The following GUCY1A2 variants were observed in gnomAD, a reference collection of about 807,000 sequenced individuals.
GUCY1A2 encodes guanylate cyclase soluble subunit alpha-2.
GUCY1A2 carries 27 observed loss-of-function variants against 63.5 expected under a neutral mutation model. That is an observed-to-expected ratio of 0.43 (90% CI 0.31 to 0.59). GUCY1A2 has a LOEUF of 0.59. Ranked by LOEUF, GUCY1A2 falls within the 20% of genes least tolerant of loss-of-function variation. GUCY1A2 has a pLI of 0.11. For missense variants in GUCY1A2, 768 were observed against 913.3 expected (o/e 0.84, Z 2.05); for synonymous variants, 364 against 343.5 (o/e 1.06, Z -0.66).
chr11:106,771,467 T>A (rs964553828), intron 6 of GUCY1A2, among the ~76,000 whole-genome samples: 1 of 152,122 alleles, frequency 6.6e-6, no homozygotes, highest in South Asian at 2.1e-4. Context: ...AAAAATTCAG[T>A]CCTGGCATGG....
chr11:106,910,963 T>C (rs1325892340), intron 4 of GUCY1A2, among the ~76,000 whole-genome samples: 2 of 152,056 alleles, frequency 1.3e-5, no homozygotes, highest in Non-Finnish European at 2.9e-5. Flanking sequence ...GTGCCCTTAG[T>C]TGTCCATGAA....
chr11:106,994,410 TCC>T (rs1022720080), intron 1 of GUCY1A2, among the ~76,000 whole-genome samples: 1 of 152,174 alleles, frequency 6.6e-6, no homozygotes, highest in African/African-American at 2.4e-5. Flanking sequence ...AAACATACAC[TCC>T]CTGAAGTATG....
intron 4 of GUCY1A2, among the ~76,000 whole-genome samples, chr11:106,842,632 A>C (rs754099651): frequency 1.3e-5 from 2 of 152,022 alleles, no homozygotes; most frequent in Non-Finnish European, 2.9e-5. Context: ...CTAGTCCAGT[A>C]GTTACTTTTC....
In GUCY1A2 at chr11:106,809,988, C is replaced by G. The variant is rs770682541; in HGVS notation, c.1692+5G>C. ...ATTTATATGTAAGTAACTAAACTCC[C>G]TTACCTTATAAATATCCAAAAATCC... is the stretch of plus-strand genomic sequence containing the variant. On this transcript the variant is annotated splice_donor_5th_base_variant and intron_variant, in intron 5 of 7. Transcript: ENST00000526355. The G allele has an allele frequency of 3.8e-6, 6 of 1,580,666 alleles. No individual in the cohort carries two copies. Among genetic ancestry groups the G allele is most frequent in the Non-Finnish European group, 5.2e-6 (6 of 1,152,782 alleles).
intron 6 of GUCY1A2, among the ~76,000 whole-genome samples, chr11:106,750,870 A>G (rs1052058804): frequency 1.3e-5 from 2 of 152,036 alleles, no homozygotes; most frequent in African/African-American, 4.8e-5. Flanking sequence ...CAAGAATAGA[A>G]ACACACTTGA....
intron 4 of GUCY1A2, among the ~76,000 whole-genome samples, chr11:106,857,005 C>G (rs545710344): frequency 1.1e-4 from 16 of 152,320 alleles, no homozygotes; most frequent in Admixed American, 2.0e-4. Flanking sequence ...CTATATCCTA[C>G]CTACAGAATT....
At position 106,676,668 on chromosome 11, in the gene GUCY1A2, C is replaced by G. The variant is rs1189163260; in HGVS notation, c.*10881G>C. On this transcript the variant is annotated 3_prime_UTR_variant, in exon 8 of 8. Transcript: ENST00000526355. ...CATCAGTTATCTCTAGATAAAGAGC[C>G]AGTAAAATCAAGTTGCATTTGATGT... 1 of 191,506 alleles carries G rather than the reference C, an allele frequency of 5.2e-6. No individual in the cohort carries two copies. The highest frequency in any genetic ancestry group is 1.1e-5 in the Non-Finnish European group (1 of 91,482). The allele number at this position is 191,506 out of a possible 1,614,324, so 11.9% of individuals were successfully genotyped here. A position where few individuals can be genotyped will look rare whatever the true frequency, so the allele number is the denominator to read the frequency against.
rs147726655 is a variant in GUCY1A2, at chr11:106,710,501, G to A, written c.1837-1835C>T. On this transcript the variant is annotated intron_variant, in intron 6 of 7. Coordinates refer to ENST00000526355, the MANE Select transcript of GUCY1A2 (RefSeq NM_000855.3). ...CAGGTATTCAACATTAGTGATAAAT[G>A]TTGAATAAATTGGCTGAATTCCCCA... 2.4e-3 allele frequency among the ~76,000 whole-genome samples: 365 copies of A among 149,016 alleles called. 11 individuals carry two copies. The East Asian group carries it at 0.059, about 24-fold the overall frequency.
At chr11:106,931,280 A>G (rs1283544012) in intron 4 of GUCY1A2, among the ~76,000 whole-genome samples, 1 of 152,212 alleles carries the variant, frequency 6.6e-6, no homozygotes, top group African/African-American at 2.4e-5. Context: ...ATCTTTAGTC[A>G]TCAGGGAAGT....
At chr11:106,929,891 A>T (rs1860578337) in intron 4 of GUCY1A2, among the ~76,000 whole-genome samples, 1 of 152,130 alleles carries the variant, frequency 6.6e-6, no homozygotes, top group African/African-American at 2.4e-5. Context: ...AGCAGCTTTC[A>T]CTCCTTTCTT....
At chr11:106,755,974 G>C (rs913144547) in intron 6 of GUCY1A2, among the ~76,000 whole-genome samples, 36 of 152,282 alleles carry the variant, frequency 2.4e-4, no homozygotes, top group African/African-American at 7.5e-4. Context: ...ACTAATGTGT[G>C]GGAGTCTAAG....
intron 4 of GUCY1A2, among the ~76,000 whole-genome samples, chr11:106,876,866 C>A (rs1383338780): frequency 2.6e-5 from 4 of 152,016 alleles, no homozygotes; most frequent in African/African-American, 7.2e-5. Flanking sequence ...AAAGATATCC[C>A]AGTCTTTAAT....
chr11:106,950,896 C>T (rs1860898403), intron 3 of GUCY1A2, among the ~76,000 whole-genome samples: 1 of 152,168 alleles, frequency 6.6e-6, no homozygotes, highest in Non-Finnish European at 1.5e-5. Context: ...GACCTCACCC[C>T]TCACCCTCCA....
At chr11:106,767,733 C>T (rs1864187875) in intron 6 of GUCY1A2, among the ~76,000 whole-genome samples, 1 of 152,048 alleles carries the variant, frequency 6.6e-6, no homozygotes. Context: ...TGAAGTTCAG[C>T]ACTATAGCAT....
intron 4 of GUCY1A2, among the ~76,000 whole-genome samples, chr11:106,832,481 A>C (rs904306696): frequency 3.9e-5 from 6 of 152,160 alleles, no homozygotes; most frequent in African/African-American, 1.4e-4. Flanking sequence ...AGGCTGAAAG[A>C]AATGATGTGT....
chr11:106,962,607 T>G, intron 3 of GUCY1A2, among the ~76,000 whole-genome samples: 1 of 150,464 alleles, frequency 6.6e-6, no homozygotes. Context: ...TGTGCAGGAA[T>G]TGTGGGAGTA....
intron 5 of GUCY1A2, among the ~76,000 whole-genome samples, chr11:106,785,601 AATT>A (rs1864542500): frequency 6.6e-6 from 1 of 151,918 alleles, no homozygotes. Flanking sequence ...AAATGCTTTA[AATT>A]GCATTCAATT....
chr11:106,869,202 G>C (rs143080634), intron 4 of GUCY1A2, among the ~76,000 whole-genome samples: 3,444 of 152,184 alleles, frequency 0.023, 53 homozygotes, highest in Non-Finnish European at 0.034. Context: ...GCACGGGCAA[G>C]GACTTCATGT....
chr11:107,008,269 A>G (rs1350305489), intron 1 of GUCY1A2, among the ~76,000 whole-genome samples: 4 of 125,148 alleles, frequency 3.2e-5, no homozygotes, highest in African/African-American at 1.1e-4. Context: ...ACAGAGCAAG[A>G]CTCCATCTCA....
Sources: gnomAD v4.1 joint callset for allele counts (sites outside exome capture counted in the v4.1 genomes callset) on GRCh38, gnomAD v4.1.1 for gene constraint, MANE v1.5 for transcripts, NCBI Gene and HGNC (gene_info 2026-07-23, HGNC 2026-07-21) for gene names.